Variants in MET observed in about 807,000 individuals in gnomAD.
MET encodes the protein hepatocyte growth factor receptor.
A neutral mutation model predicts 133.1 loss-of-function variants in MET; 48 were observed. That is an observed-to-expected ratio of 0.36 (90% CI 0.29 to 0.46). The LOEUF (loss-of-function observed/expected upper bound fraction) is 0.46, where lower values mean the gene tolerates loss of function less well. MET is among the 20% of genes least tolerant of loss of function. The pLI is 1.00. For synonymous variants in MET, 628 were observed against 616.5 expected (o/e 1.02, Z -0.28); for missense variants, 1,442 against 1,695.9 (o/e 0.85, Z 2.63).
chr7:116,771,433 C>T (rs2116990662), intron 12 of MET, 65 bp from the exon 13 acceptor site: 1 of 1,599,250 alleles, frequency 6.3e-7, no homozygotes. Flanking sequence ...CAAAGTGCTA[C>T]AACCTGTGTA....
chr7:116,714,999 G>A (rs1023341782), intron 2 of MET, among the ~76,000 whole-genome samples: 1 of 151,984 alleles, frequency 6.6e-6, no homozygotes, highest in Non-Finnish European at 1.5e-5. Flanking sequence ...TGAAATTGAG[G>A]CTCATTGATC....
At chr7:116,744,094 A>C (rs963943694) in intron 5 of MET, among the ~76,000 whole-genome samples, 2 of 152,242 alleles carry the variant, frequency 1.3e-5, no homozygotes, top group African/African-American at 4.8e-5. Flanking sequence ...ACCAGCGCAG[A>C]AAGGCTGAAA....
chr7:116,739,010 G>C (rs1266565086), intron 3 of MET, among the ~76,000 whole-genome samples: 1 of 152,202 alleles, frequency 6.6e-6, no homozygotes, highest in Non-Finnish European at 1.5e-5. Flanking sequence ...ATTTCACAAA[G>C]TAGATTTCAA....
chr7:116,707,719 G>C (rs1222395521), intron 2 of MET, among the ~76,000 whole-genome samples: 1 of 152,160 alleles, frequency 6.6e-6, no homozygotes, highest in East Asian at 1.9e-4. Flanking sequence ...TGTTAGCTCT[G>C]AGTGAATCAA....
At chr7:116,728,901 A>G (rs1792891304) in intron 2 of MET, among the ~76,000 whole-genome samples, 1 of 152,220 alleles carries the variant, frequency 6.6e-6, no homozygotes, top group South Asian at 2.1e-4. Flanking sequence ...TAAAGTTCCC[A>G]GGATGTCACC....
chr7:116,765,319 C>CATCA (rs1296603624), intron 11 of MET, among the ~76,000 whole-genome samples: 1 of 148,490 alleles, frequency 6.7e-6, no homozygotes, highest in Admixed American at 6.7e-5. Flanking sequence ...CCACGTACTT[C>CATCA]ATCAATGAAA....
intron 2 of MET, among the ~76,000 whole-genome samples, chr7:116,721,237 T>G (rs1459438681): frequency 3.3e-5 from 5 of 152,368 alleles, no homozygotes; most frequent in South Asian, 2.1e-4. Context: ...GTCGAGGAAT[T>G]TATCCATTTC....
chr7:116,713,477 C>A (rs1003541452), intron 2 of MET, among the ~76,000 whole-genome samples: 2 of 151,936 alleles, frequency 1.3e-5, no homozygotes, highest in Non-Finnish European at 2.9e-5. Context: ...GATCGTAATC[C>A]CAGTGGCAAC....
At chr7:116,784,990 C>A (rs1795267509) in intron 19 of MET, among the ~76,000 whole-genome samples, 1 of 152,182 alleles carries the variant, frequency 6.6e-6, no homozygotes, top group African/African-American at 2.4e-5. Flanking sequence ...TTGGCCAAAG[C>A]AAAGGGGCTC....
intron 1 of MET, among the ~76,000 whole-genome samples, chr7:116,692,163 T>C (rs973364008): frequency 3.9e-5 from 6 of 152,198 alleles, no homozygotes; most frequent in African/African-American, 1.4e-4. Context: ...TTTCAGATAA[T>C]ATTTTCTCCT....
chr7:116,683,558 C>A (rs1480820481), intron 1 of MET, among the ~76,000 whole-genome samples: 3 of 152,098 alleles, frequency 2.0e-5, no homozygotes, highest in African/African-American at 7.2e-5. Context: ...TTCATTTTAG[C>A]CTTTAAATAA....
intron 2 of MET, among the ~76,000 whole-genome samples, chr7:116,721,355 T>C (rs375415206): frequency 6.6e-6 from 1 of 152,150 alleles, no homozygotes; most frequent in Non-Finnish European, 1.5e-5. Context: ...TTTTTTATTG[T>C]GTCTATTTGA....
chr7:116,678,218 C>T (rs1796228637), intron 1 of MET, among the ~76,000 whole-genome samples: 1 of 152,132 alleles, frequency 6.6e-6, no homozygotes, highest in Non-Finnish European at 1.5e-5. Flanking sequence ...GCTAGCAGCC[C>T]TCCAGAAGGC....
chr7:116,674,517 A>G (rs1796085152), intron 1 of MET, among the ~76,000 whole-genome samples: 1 of 152,090 alleles, frequency 6.6e-6, no homozygotes. Context: ...TTGAAGTAGC[A>G]TTAGTCATAT....
chr7:116,692,134 G>T (rs1257003785), intron 1 of MET, among the ~76,000 whole-genome samples: 3 of 152,146 alleles, frequency 2.0e-5, no homozygotes, highest in Non-Finnish European at 2.9e-5. Context: ...CAGAAGAACT[G>T]AATTGCTCAT....
chr7:116,686,374 C>T (rs1206826015), intron 1 of MET, among the ~76,000 whole-genome samples: 1 of 151,762 alleles, frequency 6.6e-6, no homozygotes, highest in African/African-American at 2.4e-5. Flanking sequence ...ACAAAAGCCA[C>T]CTTCCCAATT....
At position 116,763,171 on chromosome 7, in the gene MET, A is replaced by G. The variant is rs2116955968; in HGVS notation, c.2486A>G (p.Lys829Arg). The change falls in exon 11 of 21, where the codon AAA becomes AGA. Residue 829 changes from lysine to arginine, a missense_variant. By Grantham distance (26) the Lys-to-Arg change is conservative (BLOSUM62 2). Transcript: ENST00000397752. ...AFFMLDGILS[K>R]YFDLIYVHNP... ...TTCATGTTAGATGGGATCCTTTCCA[A>G]ATACTTTGATCTCATTTATGTACAT... The G allele has an allele frequency of 6.2e-7, 1 of 1,614,088 alleles. No homozygotes were observed. Among genetic ancestry groups the G allele is most frequent in the Non-Finnish European group, 8.5e-7 (1 of 1,179,986 alleles).
chr7:116,778,925 G>A lies in MET; in HGVS notation c.3490G>A (p.Asp1164Asn), dbSNP rs2117047853. 1.2e-6 allele frequency: 2 copies of A among 1,613,944 alleles called. No individual in the cohort carries two copies. Among genetic ancestry groups the A allele is most frequent in the Non-Finnish European group, 1.7e-6 (2 of 1,179,950 alleles). Residue 1164 changes from aspartate (D) to asparagine (N), a missense_variant, in exon 17 of 21, where the codon GAT becomes AAT. Coordinates refer to ENST00000397752, the MANE Select transcript of MET (RefSeq NM_000245.4). Reference sequence around the variant, plus strand: ...GGTCCTACCATACATGAAACATGGAGATCTTCGAAATTTCATTCGAAATGA... The same window carrying A: ...GGTCCTACCATACATGAAACATGGAAATCTTCGAAATTTCATTCGAAATGA... ...LVVLPYMKHG[D>N]LRNFIRNETH...
chr7:116,777,064 C>T (rs188453969), intron 15 of MET, among the ~76,000 whole-genome samples: 2 of 151,712 alleles, frequency 1.3e-5, no homozygotes, highest in African/African-American at 4.8e-5. Context: ...TTGATGAGGC[C>T]GATGTTACTC....
Sources: gnomAD v4.1 joint callset for allele counts (sites outside exome capture counted in the v4.1 genomes callset) on GRCh38, gnomAD v4.1.1 for gene constraint, MANE v1.5 for transcripts, NCBI Gene and HGNC (gene_info 2026-07-23, HGNC 2026-07-21) for gene names.